NRP1: variants seen among roughly 807,000 people sequenced by gnomAD.
NRP1 encodes the protein neuropilin 1.
A neutral mutation model predicts 106.7 loss-of-function variants in NRP1; 35 were observed. The ratio of observed to expected loss-of-function variants is 0.33; its 90% CI spans 0.25 to 0.43. NRP1 has a LOEUF of 0.43. NRP1 is among the 20% of genes least tolerant of loss of function. NRP1 has a pLI of 1.00. For missense variants in NRP1, 1,024 were observed against 1,170.4 expected (o/e 0.87, Z 1.83); for synonymous variants, 437 against 417.9 (o/e 1.05, Z -0.56).
intron 15 of NRP1, among the ~76,000 whole-genome samples, chr10:33,184,659 A>G (rs1007366632): frequency 2.0e-5 from 3 of 152,232 alleles, no homozygotes; most frequent in African/African-American, 7.2e-5. Context: ...GTGCAGCACT[A>G]AGCAGATTCC....
chr10:33,263,397 G>T (rs977273760), intron 4 of NRP1, among the ~76,000 whole-genome samples: 5 of 152,282 alleles, frequency 3.3e-5, no homozygotes, highest in Admixed American at 2.6e-4. Flanking sequence ...ATAGCTAAAA[G>T]AACCTTTTGT....
At chr10:33,275,016 T>C (rs1259949735) in intron 2 of NRP1, among the ~76,000 whole-genome samples, 1 of 152,142 alleles carries the variant, frequency 6.6e-6, no homozygotes, top group Non-Finnish European at 1.5e-5. Context: ...AGAGAACAGA[T>C]TTTTCTTCCA....
At position 33,197,722 on chromosome 10, in the gene NRP1, A is replaced by T; in HGVS notation, c.1865-13T>A. ...ACAGTGGTGCCACCTGAAAAACAAA[A>T]ACAGGAACATGCAAAAATAAGAAAA... On this transcript the variant is annotated splice_polypyrimidine_tract_variant and intron_variant, in intron 11 of 16. Transcript: ENST00000374867. 1 of 1,557,796 alleles carries T rather than the reference A, an allele frequency of 6.4e-7. No individual in the cohort carries two copies. Among genetic ancestry groups the T allele is most frequent in the African/African-American group, 1.4e-5 (1 of 73,920 alleles).
At chr10:33,297,423 C>T (rs952639604) in intron 2 of NRP1, among the ~76,000 whole-genome samples, 12 of 152,302 alleles carry the variant, frequency 7.9e-5, no homozygotes, top group African/African-American at 2.6e-4. Context: ...CGGTGGCTCA[C>T]GCCTCTCATC....
Position 33,192,728 on chromosome 10 carries a change from G to A in NRP1, c.1925-310C>T, listed in dbSNP as rs1836501768. Among the ~76,000 whole-genome samples, 2 of 152,172 alleles carry A rather than the reference G, an allele frequency of 1.3e-5. 1 individual carries two copies. The highest frequency in any genetic ancestry group is 1.3e-4 in the Admixed American group (2 of 15,274). On this transcript the variant is annotated intron_variant, in intron 12 of 16. Coordinates refer to ENST00000374867, the MANE Select transcript of NRP1 (RefSeq NM_003873.7). ...TTTCTAAAGCACGTGTATTACATTT[G>A]CTGCACTCTCCCCATTTCCACAGTA...
At chr10:33,194,601 C>T in intron 12 of NRP1, 1 of 425,334 alleles carries the variant, frequency 2.4e-6, no homozygotes, top group South Asian at 1.8e-5. Flanking sequence ...CCTTCCCCAT[C>T]CTGTACATTT....
At chr10:33,204,393 C>G (rs189637718) in intron 10 of NRP1, among the ~76,000 whole-genome samples, 14 of 152,328 alleles carry the variant, frequency 9.2e-5, no homozygotes, top group Admixed American at 8.5e-4. Flanking sequence ...GGCCTGCAAT[C>G]CAGACTTTTT....
rs376451998 is a variant in NRP1, at chr10:33,261,173, C to T, written c.658+2473G>A. Among the ~76,000 whole-genome samples the T allele has an allele frequency of 1.7e-4, 26 of 152,184 alleles. No individual in the cohort carries two copies. The East Asian group carries it at 4.8e-3, about 28-fold the overall frequency. ...GAAAGGCACCATAGTTTAAAACATG[C>T]GTAAATTGCAAGGCTGATAACTCTT... On this transcript the variant is annotated intron_variant, in intron 4 of 16. Transcript: ENST00000374867.
chr10:33,180,314 C>G lies in NRP1; in HGVS notation c.2534G>C (p.Arg845Thr). 6.2e-7 allele frequency: 1 copy of G among 1,607,778 alleles called. No homozygotes were observed. Among genetic ancestry groups the G allele is most frequent in the Non-Finnish European group, 8.5e-7 (1 of 1,174,878 alleles). Residue 845 changes from arginine to threonine, a missense_variant, in exon 17 of 17, where the codon AGG (arginine) becomes ACG (threonine). Transcript: ENST00000374867. ...GEGEGDKNIS[R>T]KPGNVLKTLD... is the part of the protein sequence containing the mutation. ...GGTCTTCAACACATTGCCTGGCTTC[C>G]TGGAGATGTTCTTGTCACCTTCTCC...
intron 2 of NRP1, among the ~76,000 whole-genome samples, chr10:33,299,527 C>T (rs1006918286): frequency 1.3e-5 from 2 of 152,126 alleles, no homozygotes; most frequent in African/African-American, 4.8e-5. Flanking sequence ...ACCTGTAATG[C>T]CAGCACTTTG....
chr10:33,253,350 G>A (rs1841993553), intron 6 of NRP1, among the ~76,000 whole-genome samples: 1 of 152,162 alleles, frequency 6.6e-6, no homozygotes, highest in African/African-American at 2.4e-5. Context: ...AGGTGTCTGT[G>A]GGGATATGTA....
intron 2 of NRP1, among the ~76,000 whole-genome samples, chr10:33,315,025 C>A (rs560331523): frequency 6.6e-6 from 1 of 152,232 alleles, no homozygotes; most frequent in Admixed American, 6.5e-5. Flanking sequence ...ATACAATAGA[C>A]CAAGTTTACA....
At chr10:33,180,513 G>T in intron 16 of NRP1, 148 bp from the exon 17 acceptor site, 1 of 794,508 alleles carries the variant, frequency 1.3e-6, no homozygotes. Flanking sequence ...ACAGAAGTGT[G>T]GGAGGTGGTA....
At chr10:33,182,331 T>C (rs1378638417) in intron 16 of NRP1, among the ~76,000 whole-genome samples, 3 of 152,168 alleles carry the variant, frequency 2.0e-5, no homozygotes, top group Non-Finnish European at 4.4e-5. Flanking sequence ...AATAACTGTG[T>C]ATGGAAATAG....
chr10:33,191,435 C>A (rs1836406251), intron 13 of NRP1, among the ~76,000 whole-genome samples: 1 of 152,178 alleles, frequency 6.6e-6, no homozygotes, highest in African/African-American at 2.4e-5. Context: ...CTTTCCCCAC[C>A]TCCCCTTCAA....
In NRP1 at chr10:33,186,301, C is replaced by G. The variant is rs1299103186; in HGVS notation, c.2250G>C (p.Gln750His). 1 of 1,614,170 alleles carries G rather than the reference C, an allele frequency of 6.2e-7. No homozygotes were observed. The highest frequency in any genetic ancestry group is 8.5e-7 in the Non-Finnish European group (1 of 1,180,028). ...LRYQKPEEYD[Q>H]LVWMAIGHQG... ...GGTGTCCAATGGCCATCCAGACCAG[C>G]TGATCGTACTCCTCTGGCTTCTGGT... Residue 750 changes from glutamine to histidine, a missense_variant, in exon 14 of 17, where the codon CAG becomes CAC. By Grantham distance (24) the Gln-to-His change is conservative. Around this residue, in one of 5 missense-constraint regions of NRP1, gnomAD observed 562 missense variants for 620.3 expected, o/e 0.91. Transcript: ENST00000374867.
At position 33,330,930 on chromosome 10, in the gene NRP1, G is replaced by C. The variant is rs1026748957; in HGVS notation, c.74-48C>G. 3.4e-6 allele frequency: 5 copies of C among 1,484,844 alleles called. No individual in the cohort carries two copies. In the African/African-American group the frequency reaches 7.0e-5, roughly 21 times the overall value. The allele number at this position is 1,484,844 out of a possible 1,614,324, so 92.0% of individuals were successfully genotyped here. On this transcript the variant is annotated intron_variant, in intron 1 of 16. Coordinates refer to ENST00000374867, the MANE Select transcript of NRP1 (RefSeq NM_003873.7). ...GCAGATCTTTCCTGACAACCTGTTA[G>C]GTAATCTAGCTTTATATGTAAATTA...
chr10:33,191,496 A>G (rs1455436119), intron 13 of NRP1, among the ~76,000 whole-genome samples: 1 of 152,206 alleles, frequency 6.6e-6, no homozygotes, highest in Non-Finnish European at 1.5e-5. Context: ...TGTAAAATAA[A>G]CGAGGGGACA....
chr10:33,240,626 C>G (rs1323773690), intron 6 of NRP1, among the ~76,000 whole-genome samples: 2 of 152,204 alleles, frequency 1.3e-5, no homozygotes, highest in East Asian at 3.9e-4. Flanking sequence ...CCATGTATTT[C>G]CCAGTGATCT....
Sources: gnomAD v4.1 joint callset for allele counts (sites outside exome capture counted in the v4.1 genomes callset) on GRCh38, gnomAD v4.1.1 for gene constraint, gnomAD v4.1.1 regional missense constraint, MANE v1.5 for transcripts, NCBI Gene and HGNC (gene_info 2026-07-23, HGNC 2026-07-21) for gene names.